Variants in GRM1 observed in about 807,000 individuals in gnomAD.
GRM1 encodes metabotropic glutamate receptor 1.
In GRM1, 33 loss-of-function variants were observed where a neutral mutation model predicts 90.9. The ratio of observed to expected loss-of-function variants is 0.36; its 90% CI spans 0.28 to 0.49. The LOEUF is 0.49. Ranked by LOEUF, GRM1 falls within the 20% of genes least tolerant of loss-of-function variation. GRM1 has a pLI of 0.99. For synonymous variants in GRM1, 700 were observed against 613.2 expected, an observed-to-expected ratio of 1.14 and a Z score of -2.09; for missense variants, 1,190 against 1,534.3, an observed-to-expected ratio of 0.78 and a Z score of 3.75.
chr6:146,307,624 A>G (rs1279410996), intron 3 of GRM1, among the ~76,000 whole-genome samples: 1 of 152,202 alleles, frequency 6.6e-6, no homozygotes, highest in Non-Finnish European at 1.5e-5. Flanking sequence ...TCTAACAAAT[A>G]TGCAGACACA....
At chr6:146,168,727 C>A (rs1352357353) in intron 2 of GRM1, among the ~76,000 whole-genome samples, 1 of 151,902 alleles carries the variant, frequency 6.6e-6, no homozygotes, top group Non-Finnish European at 1.5e-5. Flanking sequence ...GTATAGAATT[C>A]TAGGTTGATA....
intron 2 of GRM1, among the ~76,000 whole-genome samples, chr6:146,166,285 G>A (rs556252117): frequency 4.6e-5 from 7 of 151,918 alleles, no homozygotes; most frequent in Middle Eastern, 3.4e-3. Flanking sequence ...TATTTTCCCC[G>A]TCTGATGAAT....
intron 7 of GRM1, among the ~76,000 whole-genome samples, chr6:146,415,417 T>C (rs1777744710): frequency 1.3e-5 from 2 of 152,192 alleles, no homozygotes; most frequent in Non-Finnish European, 2.9e-5. Context: ...TTTGTTTTTG[T>C]TTTTTTCTAA....
At chr6:146,153,400 A>T (rs1302383047) in intron 1 of GRM1, among the ~76,000 whole-genome samples, 4 of 152,222 alleles carry the variant, frequency 2.6e-5, no homozygotes, top group Admixed American at 2.0e-4. Flanking sequence ...GTGTACAAAT[A>T]CAATTTTTAA....
chr6:146,121,919 G>A (rs894014941), intron 1 of GRM1, among the ~76,000 whole-genome samples: 2 of 152,300 alleles, frequency 1.3e-5, no homozygotes, highest in Admixed American at 6.5e-5. Context: ...TTGATTTGGG[G>A]TGAAGAGTTC....
At chr6:146,102,169 C>T (rs1459152199) in intron 1 of GRM1, among the ~76,000 whole-genome samples, 1 of 152,174 alleles carries the variant, frequency 6.6e-6, no homozygotes, top group African/African-American at 2.4e-5. Context: ...TTCTCTTCCA[C>T]TGCCCATATC....
At chr6:146,291,330 T>G (rs1474155284) in intron 2 of GRM1, among the ~76,000 whole-genome samples, 1 of 151,346 alleles carries the variant, frequency 6.6e-6, no homozygotes, top group Non-Finnish European at 1.5e-5. Context: ...TTGCTTTTTT[T>G]GATAAATATA....
chr6:146,405,981 A>G (rs778199742), intron 7 of GRM1, among the ~76,000 whole-genome samples: 1 of 152,246 alleles, frequency 6.6e-6, no homozygotes, highest in Non-Finnish European at 1.5e-5. Context: ...GGTAGAAGTT[A>G]TACTGCAATA....
intron 1 of GRM1, among the ~76,000 whole-genome samples, chr6:146,032,490 T>G (rs1790742062): frequency 6.6e-6 from 1 of 152,212 alleles, no homozygotes; most frequent in Admixed American, 6.5e-5. Context: ...TTTGCCCTCC[T>G]GCTTTTCAGG....
chr6:146,087,551 C>A (rs888024763), intron 1 of GRM1, among the ~76,000 whole-genome samples: 10 of 152,238 alleles, frequency 6.6e-5, no homozygotes, highest in African/African-American at 2.2e-4. Flanking sequence ...TCCACCATCA[C>A]AAAGATCCTC....
At chr6:146,188,265 CT>C (rs1015206542) in intron 2 of GRM1, among the ~76,000 whole-genome samples, 1 of 152,104 alleles carries the variant, frequency 6.6e-6, no homozygotes, top group Non-Finnish European at 1.5e-5. Context: ...GTCTACACAT[CT>C]TTTTTTCTAA....
chr6:146,433,690 T>C (rs538251304), intron 7 of GRM1, among the ~76,000 whole-genome samples, 182 bp from the exon 8 acceptor site: 17 of 152,182 alleles, frequency 1.1e-4, no homozygotes, highest in African/African-American at 3.6e-4. Flanking sequence ...TTTCTCAGGG[T>C]CAATATTTCC....
intron 2 of GRM1, among the ~76,000 whole-genome samples, chr6:146,246,475 T>G (rs1781063384): frequency 6.6e-6 from 1 of 152,150 alleles, no homozygotes; most frequent in South Asian, 2.1e-4. Flanking sequence ...ATGTACACTC[T>G]CAGCAAGAGA....
At chr6:146,133,595 C>A (rs1226105533) in intron 1 of GRM1, among the ~76,000 whole-genome samples, 1 of 152,180 alleles carries the variant, frequency 6.6e-6, no homozygotes, top group Non-Finnish European at 1.5e-5. Flanking sequence ...CAGGAGTCCT[C>A]TTGTCAAAAT....
intron 1 of GRM1, among the ~76,000 whole-genome samples, chr6:146,115,221 T>TACACACAC (rs67497002): frequency 1.3e-5 from 2 of 148,574 alleles, no homozygotes; most frequent in South Asian, 2.1e-4. Flanking sequence ...ATTAAATGCA[T>TACACACAC]ACACACACAC....
chr6:146,197,861 T>TGAA (rs1779174070), intron 2 of GRM1, among the ~76,000 whole-genome samples: 1 of 152,236 alleles, frequency 6.6e-6, no homozygotes. Flanking sequence ...TGTCACTTAA[T>TGAA]GAATATAAAT....
chr6:146,427,911 A>G (rs1360734416), intron 7 of GRM1, among the ~76,000 whole-genome samples: 2 of 152,180 alleles, frequency 1.3e-5, no homozygotes, highest in African/African-American at 4.8e-5. Flanking sequence ...ATTGATGGGA[A>G]TGGGTAGATG....
chr6:146,299,901 G>A (rs539751236), intron 2 of GRM1, among the ~76,000 whole-genome samples: 20 of 151,664 alleles, frequency 1.3e-4, no homozygotes, highest in African/African-American at 4.4e-4. Flanking sequence ...CAAGCAGTAC[G>A]CCAAAAAAAA....
intron 2 of GRM1, among the ~76,000 whole-genome samples, chr6:146,186,885 G>A (rs1778754150): frequency 6.6e-6 from 1 of 152,198 alleles, no homozygotes; most frequent in Non-Finnish European, 1.5e-5. Context: ...TCTAAGAAGG[G>A]AGTTTTCCTA....
Sources: gnomAD v4.1 joint callset for allele counts (sites outside exome capture counted in the v4.1 genomes callset) on GRCh38, gnomAD v4.1.1 for gene constraint, MANE v1.5 for transcripts, NCBI Gene and HGNC (gene_info 2026-07-23, HGNC 2026-07-21) for gene names.